ARHGAP26: variants seen among roughly 807,000 people sequenced by gnomAD.
The protein encoded by ARHGAP26 is Rho GTPase activating protein 26, also known as rho GTPase-activating protein 26.
ARHGAP26 carries 38 observed loss-of-function variants against 104.8 expected under a neutral mutation model. The observed-to-expected ratio is 0.36, with a 90% CI of 0.28 to 0.48. The LOEUF (loss-of-function observed/expected upper bound fraction) is 0.48, where lower values mean the gene tolerates loss of function less well. Ranked by LOEUF, ARHGAP26 falls within the 20% of genes least tolerant of loss-of-function variation. The pLI, the probability that ARHGAP26 is intolerant of heterozygous loss-of-function variation, is 0.99. For synonymous variants in ARHGAP26, 341 were observed against 340.0 expected (o/e 1.00, Z -0.03); for missense variants, 704 against 947.9 (o/e 0.74, Z 3.38).
At chr5:142,963,186 A>ATGTGTGTGTG (rs1770627922) in intron 11 of ARHGAP26, among the ~76,000 whole-genome samples, 1 of 100,226 alleles carries the variant, frequency 1.0e-5, no homozygotes, top group East Asian at 6.9e-4. Flanking sequence ...ATATATATAT[A>ATGTGTGTGTG]TATATATATA....
chr5:142,801,876 T>C (rs989874191), intron 1 of ARHGAP26, among the ~76,000 whole-genome samples: 9 of 152,230 alleles, frequency 5.9e-5, no homozygotes, highest in African/African-American at 2.2e-4. Context: ...TTGATACTTA[T>C]GTCTAATGCC....
chr5:143,048,097 C>T (rs1161086124), intron 14 of ARHGAP26, among the ~76,000 whole-genome samples: 9 of 152,184 alleles, frequency 5.9e-5, no homozygotes. Flanking sequence ...GATCCACCCA[C>T]CTTGGCCTCC....
At chr5:143,072,055 A>G (rs974391846) in intron 17 of ARHGAP26, among the ~76,000 whole-genome samples, 12 of 152,166 alleles carry the variant, frequency 7.9e-5, no homozygotes, top group African/African-American at 2.9e-4. Context: ...TATACAAGGA[A>G]CTCAAACATC....
chr5:143,204,552 C>T (rs1220907231), intron 20 of ARHGAP26, among the ~76,000 whole-genome samples: 10 of 152,214 alleles, frequency 6.6e-5, no homozygotes, highest in Admixed American at 2.0e-4. Context: ...GTTGATACTA[C>T]GGTAATTGAC....
intron 1 of ARHGAP26, among the ~76,000 whole-genome samples, chr5:142,826,255 T>A (rs1324228178): frequency 2.0e-5 from 3 of 152,196 alleles, no homozygotes; most frequent in East Asian, 3.8e-4. Flanking sequence ...TAGGTCAGAT[T>A]TCCAGATAAC....
intron 1 of ARHGAP26, among the ~76,000 whole-genome samples, chr5:142,796,776 T>C (rs2151940856): frequency 6.6e-6 from 1 of 152,340 alleles, no homozygotes; most frequent in Admixed American, 6.5e-5. Flanking sequence ...TAATGGATAA[T>C]GGGTTTCCCA....
At chr5:142,909,473 G>C (rs1403906757) in intron 9 of ARHGAP26, among the ~76,000 whole-genome samples, 1 of 152,152 alleles carries the variant, frequency 6.6e-6, no homozygotes, top group Non-Finnish European at 1.5e-5. Flanking sequence ...CAGCCATGTT[G>C]TGCTCCTTGT....
intron 11 of ARHGAP26, among the ~76,000 whole-genome samples, chr5:142,954,255 T>C (rs72799079): frequency 5.4e-4 from 82 of 152,300 alleles, no homozygotes; most frequent in Admixed American, 1.4e-3. Context: ...TTTTTTGTAA[T>C]GTTCACTCAA....
At position 143,065,806 on chromosome 5, in the gene ARHGAP26, G is replaced by A. The variant is rs57064036; in HGVS notation, c.1538+8059G>A. Among the ~76,000 whole-genome samples the A allele has an allele frequency of 0.026, 3,888 of 152,222 alleles. 762 individuals carry two copies. In the East Asian group the frequency reaches 0.52, roughly 20 times the overall value. ...CAAAATGGCATTCACACACGGATAC[G>A]CTGGGACAAGGGGAAGTTAAAAAAC... On this transcript the variant is annotated intron_variant, in intron 17 of 22. Transcript: ENST00000645722.
In ARHGAP26 at chr5:143,222,404, A is replaced by G. The variant is rs143606476; in HGVS notation, c.2238A>G (p.Gly746=). The G allele has an allele frequency of 1.2e-6, 2 of 1,606,852 alleles. No individual in the cohort carries two copies. The highest frequency in any genetic ancestry group is 8.5e-7 in the Non-Finnish European group (1 of 1,174,856). Residue 746 remains glycine (G), a synonymous_variant, in exon 23 of 23, where the codon GGA becomes GGG. Coordinates refer to ENST00000645722, the MANE Select transcript of ARHGAP26 (RefSeq NM_001135608.3). The part of the protein sequence containing the change: ...EPGWLEGTLN[G]KTGLIPENYV... ...GCTGGTTGGAGGGGACTCTGAACGG[A>G]AAGACTGGCCTCATCCCTGAGAATT... is the stretch of plus-strand genomic sequence containing the variant.
Position 142,770,607 on chromosome 5 carries a change from C to A in ARHGAP26, c.-155C>A. The A allele has an allele frequency of 2.4e-6, 1 of 416,882 alleles. No homozygotes were observed. The highest frequency in any genetic ancestry group is 3.3e-6 in the Non-Finnish European group (1 of 299,564). 25.8% of individuals were successfully genotyped at this position (416,882 alleles called of 1,614,324 possible). On this transcript the variant is annotated 5_prime_UTR_variant, in exon 1 of 23. Coordinates refer to ENST00000645722, the MANE Select transcript of ARHGAP26 (RefSeq NM_001135608.3). ...AGCTCGGTTCGGGAGTCTTGCGCGC[C>A]GGCGGACACCGCGCGCGGAGTGAGC...
At chr5:143,202,456 G>A (rs1807905664) in intron 20 of ARHGAP26, 2 of 152,138 alleles carry the variant, frequency 1.3e-5, no homozygotes, top group African/African-American at 4.8e-5. Context: ...TTCATGGATA[G>A]GAAGAATCAG....
chr5:142,961,982 C>T (rs541114338), intron 11 of ARHGAP26, among the ~76,000 whole-genome samples: 5 of 152,288 alleles, frequency 3.3e-5, no homozygotes, highest in African/African-American at 1.2e-4. Flanking sequence ...GTGTTCCTAA[C>T]CCTCAGCATT....
At chr5:142,902,938 G>A (rs1039916585) in intron 7 of ARHGAP26, among the ~76,000 whole-genome samples, 13 of 152,186 alleles carry the variant, frequency 8.5e-5, no homozygotes, top group Non-Finnish European at 1.3e-4. Flanking sequence ...GGGAAATAGA[G>A]CTGTGATGCA....
chr5:142,803,691 G>A lies in ARHGAP26; in HGVS notation c.154+32776G>A, dbSNP rs77593706. Among the ~76,000 whole-genome samples, 77 of 152,360 alleles carry A rather than the reference G, an allele frequency of 5.1e-4. No individual in the cohort carries two copies. The East Asian group carries it at 0.014, about 28-fold the overall frequency. The stretch of plus-strand genomic sequence containing the variant: ...CAGCACGTCAGCAGTTCACCCTGGA[G>A]CAGTTAGAGGTCAGCAGGCAGGGAC... On this transcript the variant is annotated intron_variant, in intron 1 of 22. Coordinates refer to ENST00000645722, the MANE Select transcript of ARHGAP26 (RefSeq NM_001135608.3).
At chr5:143,125,359 T>C (rs150795236) in intron 18 of ARHGAP26, among the ~76,000 whole-genome samples, 113 of 152,318 alleles carry the variant, frequency 7.4e-4, no homozygotes, top group Non-Finnish European at 1.4e-3. Flanking sequence ...CCTGCAAGTC[T>C]AGAAACACCC....
chr5:143,011,303 C>CTTTTTTTTTTTTTTTTTTTTTTTT (rs58841045), intron 11 of ARHGAP26, among the ~76,000 whole-genome samples: 2 of 110,984 alleles, frequency 1.8e-5, no homozygotes, highest in African/African-American at 7.0e-5. Context: ...TAAACCCCCG[C>CTTTTTTTTTTTTTTTTTTTTTTTT]TTTTTTTTTT....
rs376984547 is a variant in ARHGAP26, at chr5:142,891,257, C to G, written c.487-2981C>G. Among the ~76,000 whole-genome samples, 31 of 152,036 alleles carry G rather than the reference C, an allele frequency of 2.0e-4. No individual in the cohort carries two copies. In the East Asian group the frequency reaches 5.6e-3, roughly 27 times the overall value. On this transcript the variant is annotated intron_variant, in intron 5 of 22. Coordinates refer to ENST00000645722, the MANE Select transcript of ARHGAP26 (RefSeq NM_001135608.3). The stretch of plus-strand genomic sequence containing the variant: ...AGAAGCAGGACCTTCTGAAACCTGT[C>G]TCCAAGTAAAGATTCATCAGTGCTC...
chr5:143,182,713 A>G (rs1804564579), intron 20 of ARHGAP26, among the ~76,000 whole-genome samples: 2 of 152,210 alleles, frequency 1.3e-5, no homozygotes, highest in Admixed American at 1.3e-4. Context: ...TTTCCTGGCT[A>G]TAAAGACAAA....
Sources: allele counts gnomAD v4.1 joint callset (sites outside exome capture counted in the v4.1 genomes callset), GRCh38; gene constraint gnomAD v4.1.1; transcripts MANE v1.5; gene names NCBI Gene and HGNC (gene_info 2026-07-23, HGNC 2026-07-21).